The following SLC8A1 variants were observed in gnomAD, a reference collection of about 807,000 sequenced individuals.
The protein encoded by SLC8A1 is sodium/calcium exchanger 1.
A neutral mutation model predicts 68.3 loss-of-function variants in SLC8A1; 18 were observed. That is an observed-to-expected ratio of 0.26 (90% CI 0.18 to 0.39). SLC8A1 has a LOEUF of 0.39. Ranked by LOEUF, SLC8A1 falls within the 10% of genes least tolerant of loss-of-function variation. The pLI, the probability that SLC8A1 is intolerant of heterozygous loss-of-function variation, is 1.00. For missense variants in SLC8A1, 985 were observed against 1,156.7 expected, an observed-to-expected ratio of 0.85 and a Z score of 2.15; for synonymous variants, 475 against 415.5, an observed-to-expected ratio of 1.14 and a Z score of -1.74.
intron 7 of SLC8A1, among the ~76,000 whole-genome samples, chr2:40,119,932 T>G (rs888986258): frequency 6.6e-6 from 1 of 152,234 alleles, no homozygotes; most frequent in African/African-American, 2.4e-5. Context: ...AGTCAGGACG[T>G]AATTGTTCTT....
At chr2:40,487,222 G>C (rs10200636) in intron 1 of SLC8A1, among the ~76,000 whole-genome samples, 41,139 of 151,892 alleles carry the variant, frequency 0.27, 7,219 homozygotes, top group Non-Finnish European at 0.41. Flanking sequence ...TTCCTGAGGA[G>C]GTAGCATGTG....
intron 1 of SLC8A1, among the ~76,000 whole-genome samples, chr2:40,501,566 C>G (rs1706060877): frequency 6.6e-6 from 1 of 152,090 alleles, no homozygotes; most frequent in African/African-American, 2.4e-5. Context: ...GGAAATGTAT[C>G]TGTAACTAAA....
At chr2:40,178,456 ACTC>A in intron 2 of SLC8A1, 1 of 1,613,398 alleles carries the variant, frequency 6.2e-7, no homozygotes, top group Non-Finnish European at 8.5e-7. Flanking sequence ...TTTTTCTCAT[ACTC>A]CTCATCATCA....
At chr2:40,232,256 T>TAGAG (rs1315035986) in intron 2 of SLC8A1, among the ~76,000 whole-genome samples, 1 of 152,062 alleles carries the variant, frequency 6.6e-6, no homozygotes, top group African/African-American at 2.4e-5. Context: ...ACCTACACTG[T>TAGAG]AGAGATGTAA....
At chr2:40,406,295 C>T (rs762208949) in intron 2 of SLC8A1, among the ~76,000 whole-genome samples, 7 of 152,088 alleles carry the variant, frequency 4.6e-5, no homozygotes, top group Non-Finnish European at 8.8e-5. Context: ...GTTCTTGGAG[C>T]TTTGTGGATT....
intron 2 of SLC8A1, among the ~76,000 whole-genome samples, chr2:40,198,196 T>C (rs1419385090): frequency 6.6e-6 from 1 of 151,962 alleles, no homozygotes; most frequent in Non-Finnish European, 1.5e-5. Context: ...AGGGAACATG[T>C]GAACATTGGT....
At chr2:40,289,942 TGAGG>T (rs2068991845) in intron 2 of SLC8A1, among the ~76,000 whole-genome samples, 1 of 151,618 alleles carries the variant, frequency 6.6e-6, no homozygotes, top group Admixed American at 6.6e-5. Context: ...GAATGGGAGA[TGAGG>T]AAGTAGATTA....
intron 1 of SLC8A1, among the ~76,000 whole-genome samples, chr2:40,458,682 C>T (rs1703164938): frequency 6.6e-6 from 1 of 152,078 alleles, no homozygotes. Context: ...ACAGAGACAG[C>T]AATCTGACCG....
chr2:40,370,359 A>C (rs1677633477), intron 2 of SLC8A1, among the ~76,000 whole-genome samples: 1 of 152,022 alleles, frequency 6.6e-6, no homozygotes, highest in African/African-American at 2.4e-5. Context: ...CAGCACCCAC[A>C]CCACCTTCTC....
chr2:40,508,365 A>T (rs1706499519), intron 1 of SLC8A1, among the ~76,000 whole-genome samples: 1 of 151,718 alleles, frequency 6.6e-6, no homozygotes, highest in African/African-American at 2.4e-5. Context: ...AAAAAAAAAA[A>T]ATCTAAAAAA....
chr2:40,490,283 A>T (rs1576658094), intron 1 of SLC8A1, among the ~76,000 whole-genome samples: 1 of 152,124 alleles, frequency 6.6e-6, no homozygotes, highest in Non-Finnish European at 1.5e-5. Context: ...TTACTGTTTT[A>T]ACTTTTGATT....
Position 40,104,134 on chromosome 2 carries a change from T to G in SLC8A1, c.*11119A>C, listed in dbSNP as rs551574341. 4 of 152,292 alleles carry G rather than the reference T, an allele frequency of 2.6e-5. No homozygotes were observed. The South Asian group carries it at 6.2e-4, about 24-fold the overall frequency. 9.4% of individuals were successfully genotyped at this position (152,292 alleles called of 1,614,324 possible). On this transcript the variant is annotated 3_prime_UTR_variant, in exon 8 of 8. Coordinates refer to ENST00000406785, the Ensembl canonical transcript of SLC8A1. ...CTCTGGTGACTTTTTGATGTTAAAATGAAGAGAACACTGTGTCCTCAGAGA... is the reference window on the plus strand; with the variant it reads ...CTCTGGTGACTTTTTGATGTTAAAAGGAAGAGAACACTGTGTCCTCAGAGA...
intron 2 of SLC8A1, among the ~76,000 whole-genome samples, chr2:40,277,794 G>GTGTA (rs907874659): frequency 2.9e-4 from 31 of 108,022 alleles, no homozygotes; most frequent in East Asian, 1.1e-3. Context: ...ATATATGTGT[G>GTGTA]TATATATATA....
intron 7 of SLC8A1, among the ~76,000 whole-genome samples, chr2:40,122,236 G>GCGCACACA (rs1553339256): frequency 1.3e-5 from 2 of 149,386 alleles, no homozygotes; most frequent in African/African-American, 5.0e-5. Context: ...GTGTGCGCGC[G>GCGCACACA]CACACACACA....
At chr2:40,485,276 G>T (rs183730882) in intron 1 of SLC8A1, among the ~76,000 whole-genome samples, 90 of 152,180 alleles carry the variant, frequency 5.9e-4, no homozygotes, top group African/African-American at 2.1e-3. Context: ...TTTCTAAATT[G>T]GAACTACATC....
At chr2:40,260,721 G>T (rs1471667105) in intron 2 of SLC8A1, among the ~76,000 whole-genome samples, 1 of 150,512 alleles carries the variant, frequency 6.6e-6, no homozygotes, top group African/African-American at 2.4e-5. Flanking sequence ...TCCTTTCAAA[G>T]ATAAGAAAAT....
chr2:40,182,366 T>C (rs1000092206), intron 2 of SLC8A1, among the ~76,000 whole-genome samples: 8 of 152,180 alleles, frequency 5.3e-5, no homozygotes, highest in Non-Finnish European at 1.0e-4. Flanking sequence ...TTGAGCAGTA[T>C]ACTATAAAAA....
intron 5 of SLC8A1, among the ~76,000 whole-genome samples, chr2:40,161,177 C>G (rs545175076): frequency 1.2e-4 from 19 of 152,298 alleles, no homozygotes; most frequent in Admixed American, 3.3e-4. Flanking sequence ...TGCCAACTTG[C>G]TTCTCTGCTG....
chr2:40,224,501 C>T (rs2058729150), intron 2 of SLC8A1, among the ~76,000 whole-genome samples: 1 of 152,064 alleles, frequency 6.6e-6, no homozygotes. Flanking sequence ...TGGCACTGTG[C>T]TAAGTGGCTT....
Sources: allele counts gnomAD v4.1 joint callset (sites outside exome capture counted in the v4.1 genomes callset), GRCh38; gene constraint gnomAD v4.1.1; transcripts MANE v1.5; gene names NCBI Gene and HGNC (gene_info 2026-07-23, HGNC 2026-07-21).